Variants in LRIT2 observed in about 807,000 individuals in gnomAD.
The protein encoded by LRIT2 is leucine rich repeat, Ig-like and transmembrane domains 2.
In LRIT2, 23 loss-of-function variants were observed where a neutral mutation model predicts 22.4. The observed-to-expected ratio is 1.03, with a 90% CI of 0.74 to 1.45. LRIT2 has a LOEUF of 1.45. Among genes scored for constraint, LRIT2 ranks in the 40% most tolerant of loss-of-function variants. The pLI, the probability that LRIT2 is intolerant of heterozygous loss-of-function variation, is 0.00. For synonymous variants in LRIT2, 291 were observed against 267.1 expected, an observed-to-expected ratio of 1.09 and a Z score of -0.87; for missense variants, 784 against 665.6, an observed-to-expected ratio of 1.18 and a Z score of -1.96.
Position 84,224,445 on chromosome 10 carries a change from G to A in LRIT2, c.780C>T (p.Ala260=), listed in dbSNP as rs531350179. 8.1e-6 allele frequency: 13 copies of A among 1,614,122 alleles called. No individual in the cohort carries two copies. The African/African-American group carries it at 1.7e-4, about 22-fold the overall frequency. The change falls in exon 2 of 3, where the codon GCC becomes GCT. Residue 260 remains alanine, a synonymous_variant. Coordinates refer to ENST00000372113, the MANE Select transcript of LRIT2 (RefSeq NM_001017924.5). The part of the protein sequence containing the change: ...CMKPQISTPS[A]NITIRAGQNV... ...TCTGTCCTGCCCGGATGGTGATATTGGCACTGGGGGTTGAGATCTGTGGCT... is the reference window on the plus strand; with the variant it reads ...TCTGTCCTGCCCGGATGGTGATATTAGCACTGGGGGTTGAGATCTGTGGCT...
intron 1 of LRIT2, 62 bp from the exon 2 acceptor site, chr10:84,225,176 C>G: frequency 7.0e-7 from 1 of 1,432,152 alleles, no homozygotes; most frequent in Non-Finnish European, 9.5e-7. Context: ...TGGGGTCAGG[C>G]TGATCCTGGC....
chr10:84,223,503 T>TTTTTTTTTTTTTGAGACGG (rs1554859698), intron 2 of LRIT2, among the ~76,000 whole-genome samples: 1 of 150,802 alleles, frequency 6.6e-6, no homozygotes, highest in African/African-American at 2.4e-5. Flanking sequence ...TGGGTATTTT[T>TTTTTTTTTTTTTGAGACGG]AAACCATCCA....
chr10:84,221,914 G>A lies in LRIT2; in HGVS notation c.*6C>T. ...CAAGCCGTTTCCACCCCATGGCCTG[G>A]GTTGTTCAGCTGTTGTCTTCCGTTC... On this transcript the variant is annotated 3_prime_UTR_variant, in exon 3 of 3. Coordinates refer to ENST00000372113, the MANE Select transcript of LRIT2 (RefSeq NM_001017924.5). The A allele has an allele frequency of 1.3e-6, 2 of 1,519,750 alleles. No individual in the cohort carries two copies. The highest frequency in any genetic ancestry group is 1.8e-6 in the Non-Finnish European group (2 of 1,133,304). The allele number at this position is 1,519,750 out of a possible 1,614,324, so 94.1% of individuals were successfully genotyped here. A position where few individuals can be genotyped will look rare whatever the true frequency, so the allele number is the denominator to read the frequency against.
In LRIT2 at chr10:84,224,943, G is replaced by T. The variant is rs561813631; in HGVS notation, c.282C>A (p.Ile94=). The change falls in exon 2 of 3, where the codon ATC becomes ATA. Residue 94 remains isoleucine (I), a synonymous_variant. Transcript: ENST00000372113. ...LWLNFNNISV[I]HLGALEHLPE... ...GCAGGTGTTCCAGGGCTCCTAGGTG[G>T]ATCACACTGATATTGTTAAAATTGA... The T allele has an allele frequency of 1.2e-6, 2 of 1,614,124 alleles. No individual in the cohort carries two copies. The highest frequency in any genetic ancestry group is 1.7e-6 in the Non-Finnish European group (2 of 1,180,020).
chr10:84,222,494 G>C lies in LRIT2; in HGVS notation c.1079C>G (p.Ser360Trp), dbSNP rs201652904. ...LHAPDSLSIP[S>W]EGNAYIDLRV... is the part of the protein sequence containing the mutation. ...CAGGTCAATGTAGGCATTGCCCTCC[G>C]AGGGGATGGAAAGAGAATCAGGTGC... The change falls in exon 3 of 3, where the codon TCG becomes TGG. Residue 360 changes from serine (S) to tryptophan (W), a missense_variant. Transcript: ENST00000372113. 1.7e-5 allele frequency: 27 copies of C among 1,613,858 alleles called. No homozygotes were observed. The highest frequency in any genetic ancestry group is 2.2e-5 in the Non-Finnish European group (26 of 1,180,008).
chr10:84,224,539 A>G lies in LRIT2; in HGVS notation c.686T>C (p.Leu229Pro), dbSNP rs749292352. ...CTTGGACAGAGGGCCCTGACATATCAGGTAGGAATTCACCAGGATGACTGG... is the reference window on the plus strand; with the variant it reads ...CTTGGACAGAGGGCCCTGACATATCGGGTAGGAATTCACCAGGATGACTGG... ...TLPVILVNSY[L>P]ICQGPLSKAG... Residue 229 changes from leucine to proline, a missense_variant, in exon 2 of 3, where the codon CTG (leucine) becomes CCG (proline). Leu to Pro is a moderately conservative substitution (Grantham distance 98). Transcript: ENST00000372113. 6.2e-7 allele frequency: 1 copy of G among 1,614,032 alleles called. No homozygotes were observed. The highest frequency in any genetic ancestry group is 1.3e-5 in the African/African-American group (1 of 74,932).
rs1373988620 is a variant in LRIT2 at position 84,222,338 on chromosome 10, C to A, written c.1235G>T (p.Gly412Val). ...CACAGCATAAGTATTGATTCCGGGG[C>A]CAATGTGAACCACCTCCTTCCTGAA... ...EAFRKEVVHIGPGINTYAVDD... is the reference protein window; with the variant it reads ...EAFRKEVVHIVPGINTYAVDD... Residue 412 changes from glycine to valine, a missense_variant, in exon 3 of 3, where the codon GGC (glycine) becomes GTC (valine). Transcript: ENST00000372113. 1 of 1,614,170 alleles carries A rather than the reference C, an allele frequency of 6.2e-7. No homozygotes were observed. Among genetic ancestry groups the A allele is most frequent in the Non-Finnish European group, 8.5e-7 (1 of 1,180,034 alleles).
rs1274795165 is a variant in LRIT2, at chr10:84,222,830, G to A, written c.893-150C>T. 1.5e-5 allele frequency: 13 copies of A among 850,950 alleles called. No individual in the cohort carries two copies. In the East Asian group the frequency reaches 3.4e-4, roughly 22 times the overall value. 52.7% of individuals were successfully genotyped at this position (850,950 alleles called of 1,614,324 possible). On this transcript the variant is annotated intron_variant, in intron 2 of 2. Coordinates refer to ENST00000372113, the MANE Select transcript of LRIT2 (RefSeq NM_001017924.5). The stretch of plus-strand genomic sequence containing the variant: ...GTAACCTCTTATGAACCTCGTACCT[G>A]GTGTCAGGTGTTTGCCTCCCAGCAA...
Position 84,222,065 on chromosome 10 carries a change from C to T in LRIT2, c.1508G>A (p.Arg503His), listed in dbSNP as rs147546091. 4.3e-4 allele frequency: 694 copies of T among 1,610,570 alleles called. No homozygotes were observed. Among genetic ancestry groups the T allele is most frequent in the Admixed American group, 6.5e-4 (39 of 59,798 alleles). The stretch of plus-strand genomic sequence containing the variant: ...AGGGGTGCAGCTGGGGGCTTTCCTG[C>T]GATGAAGACAGCCGCGCAGGACCCA... The part of the protein sequence containing the change: ...SKWVLRGCLH[R>H]RKAPSCTPAA... The change falls in exon 3 of 3, where the codon CGC becomes CAC. Residue 503 changes from arginine to histidine, a missense_variant. Physicochemically the swap from Arg to His is conservative, Grantham distance 29. Coordinates refer to ENST00000372113, the MANE Select transcript of LRIT2 (RefSeq NM_001017924.5).
At chr10:84,225,207 T>C (rs1842552977) in intron 1 of LRIT2, 93 bp from the exon 2 acceptor site, 1 of 1,291,484 alleles carries the variant, frequency 7.7e-7, no homozygotes, top group African/African-American at 1.5e-5. Flanking sequence ...TGAATCAGAA[T>C]AAAAATATTA....
Position 84,225,032 on chromosome 10 carries a change from A to C in LRIT2, c.193T>G (p.Ser65Ala). Reference protein sequence around the residue: ...EEFKQVRIENSPLFEMPQGSF... With the variant: ...EEFKQVRIENAPLFEMPQGSF... ...CCTTGGGGCATCTCAAATAAGGGTG[A>C]ATTTTCAATTCTCACTTGCTTGAAC... is the stretch of plus-strand genomic sequence containing the variant. Residue 65 changes from serine (S) to alanine (A), a missense_variant, in exon 2 of 3, where the codon TCA becomes GCA. By Grantham distance (99) the Ser-to-Ala change is moderately conservative. Transcript: ENST00000372113. The C allele has an allele frequency of 6.2e-7, 1 of 1,614,054 alleles. No individual in the cohort carries two copies. Among genetic ancestry groups the C allele is most frequent in the South Asian group, 1.1e-5 (1 of 91,070 alleles).
In LRIT2 at chr10:84,222,672, A is replaced by G. The variant is rs1842524195; in HGVS notation, c.901T>C (p.Ser301Pro). 3.1e-6 allele frequency: 5 copies of G among 1,613,310 alleles called. No homozygotes were observed. Among genetic ancestry groups the G allele is most frequent in the Middle Eastern group, 3.3e-4 (2 of 6,080 alleles). Reference protein sequence around the residue: ...SMWREFDVLTSSTGEDTALSE... With the variant: ...SMWREFDVLTPSTGEDTALSE... ...AGAGCAGTGTCTTCTCCAGTAGAAGATGTCAACACTGGGTGGAAAGAAAAA... is the reference window on the plus strand; with the variant it reads ...AGAGCAGTGTCTTCTCCAGTAGAAGGTGTCAACACTGGGTGGAAAGAAAAA... Residue 301 changes from serine (S) to proline (P), a missense_variant, in exon 3 of 3, where the codon TCT becomes CCT. Ser to Pro is a moderately conservative substitution (Grantham distance 74). Transcript: ENST00000372113.
Position 84,224,371 on chromosome 10 carries a change from G to T in LRIT2, c.854C>A (p.Ala285Glu). Residue 285 changes from alanine (A) to glutamate (E), a missense_variant, in exon 2 of 3, where the codon GCA becomes GAA. Ala to Glu is a moderately radical substitution (Grantham distance 107). Coordinates refer to ENST00000372113, the MANE Select transcript of LRIT2 (RefSeq NM_001017924.5). ...LAQASPSPSI[A>E]WTYPLSMWRE... ...CCACATACTCAGGGGATAAGTCCAT[G>T]CAATGGATGGTGAGGGGCTGGCCTG... 1.2e-6 allele frequency: 2 copies of T among 1,614,078 alleles called. No homozygotes were observed.
chr10:84,222,894 T>G (rs1455334197), intron 2 of LRIT2: 1 of 710,162 alleles, frequency 1.4e-6, no homozygotes, highest in Non-Finnish European at 2.5e-6. Flanking sequence ...ACATAGGATA[T>G]TGAGGATTGG....
chr10:84,224,583 A>G lies in LRIT2; in HGVS notation c.642T>C (p.Phe214=). The change falls in exon 2 of 3, where the codon TTT becomes TTC. Residue 214 remains phenylalanine (F), a synonymous_variant. Transcript: ENST00000372113. The part of the protein sequence containing the change: ...CDCRLRGLVQ[F]VKSITLPVIL... ...TGACTGGGAGGGTAATGGACTTGAC[A>G]AACTGGACAAGCCCCCTTAGGCGAC... 6.2e-7 allele frequency: 1 copy of G among 1,613,726 alleles called. No individual in the cohort carries two copies. Among genetic ancestry groups the G allele is most frequent in the Non-Finnish European group, 8.5e-7 (1 of 1,179,668 alleles).
chr10:84,225,570 G>T, upstream of LRIT2: 2 of 1,579,918 alleles, frequency 1.3e-6, no homozygotes, highest in Non-Finnish European at 8.6e-7. Context: ...TATCGCCCCA[G>T]CTTCCGAGTG....
intron 2 of LRIT2, chr10:84,222,963 C>T: frequency 3.0e-6 from 2 of 669,570 alleles, no homozygotes; most frequent in South Asian, 3.2e-5. Flanking sequence ...TGATATGGGA[C>T]CTGGCTCTTC....
rs767881733 is a variant in LRIT2 at position 84,224,386 on chromosome 10, G to C, written c.839C>G (p.Pro280Arg). The C allele has an allele frequency of 6.2e-7, 1 of 1,614,144 alleles. No homozygotes were observed. The highest frequency in any genetic ancestry group is 2.2e-5 in the East Asian group (1 of 44,888). ...VTLRCLAQAS[P>R]SPSIAWTYPL... ...ATAAGTCCATGCAATGGATGGTGAG[G>C]GGCTGGCCTGTGCCAAGCATCGCAG... The change falls in exon 2 of 3, where the codon CCC becomes CGC. Residue 280 changes from proline (P) to arginine (R), a missense_variant. Coordinates refer to ENST00000372113, the MANE Select transcript of LRIT2 (RefSeq NM_001017924.5).
Position 84,221,812 on chromosome 10 carries a change from C to T in LRIT2, c.*108G>A. ...TGTGTCAAGTTCAGTGCTTGGAACA[C>T]AGTGGGTGCTCAATATATACTTGCT... On this transcript the variant is annotated 3_prime_UTR_variant, in exon 3 of 3. Transcript: ENST00000372113. The T allele has an allele frequency of 1.8e-6, 2 of 1,099,168 alleles. No individual in the cohort carries two copies. The highest frequency in any genetic ancestry group is 2.2e-5 in the South Asian group (1 of 45,416). 68.1% of individuals were successfully genotyped at this position (1,099,168 alleles called of 1,614,324 possible). A position where few individuals can be genotyped will look rare whatever the true frequency, so the allele number is the denominator to read the frequency against.
Sources: allele counts gnomAD v4.1 joint callset (sites outside exome capture counted in the v4.1 genomes callset), GRCh38; gene constraint gnomAD v4.1.1; transcripts MANE v1.5; gene names NCBI Gene and HGNC (gene_info 2026-07-23, HGNC 2026-07-21).